Variants in UBA5 observed in about 807,000 individuals in gnomAD.
UBA5 encodes ubiquitin like modifier activating enzyme 5.
A neutral mutation model predicts 52.9 loss-of-function variants in UBA5; 28 were observed. That is an observed-to-expected ratio of 0.53 (90% CI 0.39 to 0.73). The LOEUF (loss-of-function observed/expected upper bound fraction) is 0.73. Among genes scored for constraint, UBA5 ranks in the 30% least tolerant of loss-of-function variants. UBA5 has a pLI of 0.00. For synonymous variants in UBA5, 135 were observed against 162.1 expected (o/e 0.83, Z 1.27); for missense variants, 388 against 492.7 (o/e 0.79, Z 2.01).
upstream of UBA5, among the ~76,000 whole-genome samples, chr3:132,658,345 G>A (rs1937930983): frequency 6.6e-6 from 1 of 152,084 alleles, no homozygotes; most frequent in Non-Finnish European, 1.5e-5. Context: ...ATTTCTGGAA[G>A]CAATTTTTAT....
At chr3:132,661,964 G>A (rs916628550) in intron 1 of UBA5, among the ~76,000 whole-genome samples, 1 of 152,152 alleles carries the variant, frequency 6.6e-6, no homozygotes, top group South Asian at 2.1e-4. Context: ...TCTCTAATCA[G>A]AATAAGTGGA....
At chr3:132,669,673 G>A (rs569026552) in intron 4 of UBA5, among the ~76,000 whole-genome samples, 3 of 152,278 alleles carry the variant, frequency 2.0e-5, no homozygotes, top group African/African-American at 4.8e-5. Context: ...CAGGTGGTGG[G>A]CCAGATTTGG....
Position 132,678,470 on chromosome 3 carries a change from T to C in UBA5, c.*1944T>C, listed in dbSNP as rs1938924132. Among the ~76,000 whole-genome samples the C allele has an allele frequency of 6.6e-6, 1 of 152,170 alleles. No individual in the cohort carries two copies. Among genetic ancestry groups the C allele is most frequent in the South Asian group, 2.1e-4 (1 of 4,832 alleles). On this transcript the variant is annotated 3_prime_UTR_variant, in exon 12 of 12. Coordinates refer to ENST00000356232, the MANE Select transcript of UBA5 (RefSeq NM_024818.6). ...ATTGGCTTAGCACAGAGACTCTAAA[T>C]GATAGTAAAACAACATATTCAACTT...
chr3:132,659,860 G>A, upstream of UBA5: 3 of 1,371,512 alleles, frequency 2.2e-6, no homozygotes, highest in South Asian at 1.6e-5. Context: ...GCCGGGGTGG[G>A]GTCTGGCTCC....
intron 5 of UBA5, among the ~76,000 whole-genome samples, 176 bp downstream of exon 5, chr3:132,670,460 A>G (rs191531407): frequency 1.3e-5 from 2 of 152,228 alleles, no homozygotes; most frequent in East Asian, 3.9e-4. Context: ...AAAGGTATAT[A>G]TTGTCCAAAA....
chr3:132,672,615 TG>T (rs1420623704), intron 8 of UBA5, among the ~76,000 whole-genome samples: 1 of 152,186 alleles, frequency 6.6e-6, no homozygotes, highest in Non-Finnish European at 1.5e-5. Flanking sequence ...AATAAACCAA[TG>T]TGACTAAACA....
chr3:132,666,016 T>G lies in UBA5; in HGVS notation c.240T>G (p.Gly80=). The change falls in exon 3 of 12, where the codon GGT becomes GGG. Residue 80 remains glycine (G), a synonymous_variant. Coordinates refer to ENST00000356232, the MANE Select transcript of UBA5 (RefSeq NM_024818.6). The part of the protein sequence containing the change: ...KIRTFAVAIV[G]VGGVGSVTAE... ...GTACCTTTGCCGTAGCAATAGTAGG[T>G]GTTGGTGGAGTAGGTAGTGTGACTG... The G allele has an allele frequency of 1.2e-6, 2 of 1,613,608 alleles. No homozygotes were observed. The highest frequency in any genetic ancestry group is 1.7e-6 in the Non-Finnish European group (2 of 1,179,608).
At chr3:132,659,424 A>C (rs554999521), upstream of UBA5, 65 of 762,566 alleles carry the variant, frequency 8.5e-5, no homozygotes, top group African/African-American at 1.1e-3. Flanking sequence ...TCCAATTGGG[A>C]AGCCCCCAGC....
Position 132,678,501 on chromosome 3 carries a change from C to G in UBA5, c.*1975C>G, listed in dbSNP as rs904221508. On this transcript the variant is annotated 3_prime_UTR_variant, in exon 12 of 12. Coordinates refer to ENST00000356232, the MANE Select transcript of UBA5 (RefSeq NM_024818.6). ...TAAAACAACATATTCAACTTTAATT[C>G]CTGTCTTATTGTTAATGGGAAGTTA... Among the ~76,000 whole-genome samples the G allele has an allele frequency of 2.0e-4, 31 of 152,056 alleles. No homozygotes were observed. The highest frequency in any genetic ancestry group is 7.5e-4 in the African/African-American group (31 of 41,366).
At chr3:132,675,093 A>T (rs891245824) in intron 8 of UBA5, among the ~76,000 whole-genome samples, 155 bp from the exon 9 acceptor site, 1 of 152,206 alleles carries the variant, frequency 6.6e-6, no homozygotes, top group African/African-American at 2.4e-5. Context: ...CACTGTAAAT[A>T]AGATAAAATT....
At chr3:132,666,297 T>C in intron 3 of UBA5, 1 of 515,314 alleles carries the variant, frequency 1.9e-6, no homozygotes, top group Non-Finnish European at 3.4e-6. Flanking sequence ...TTTGAAGTAA[T>C]ATGCAAACAA....
Position 132,670,945 on chromosome 3 carries a change from A to T in UBA5, c.495-20A>T, listed in dbSNP as rs778379222. 6.2e-7 allele frequency: 1 copy of T among 1,603,844 alleles called. No homozygotes were observed. Among genetic ancestry groups the T allele is most frequent in the Non-Finnish European group, 8.5e-7 (1 of 1,171,118 alleles). On this transcript the variant is annotated intron_variant, in intron 5 of 11. Transcript: ENST00000356232. ...GTATTTTGTGTCCTGATGTTTTTCAAACTTATTTTCTTTGACTAGTAATGG... is the reference window on the plus strand; with the variant it reads ...GTATTTTGTGTCCTGATGTTTTTCATACTTATTTTCTTTGACTAGTAATGG...
At chr3:132,656,151 A>C (rs1372206713), upstream of UBA5, among the ~76,000 whole-genome samples, 8 of 152,234 alleles carry the variant, frequency 5.3e-5, no homozygotes, top group Non-Finnish European at 1.2e-4. Flanking sequence ...TGTTATGTAC[A>C]GCTGTAGCTG....
At chr3:132,671,417 CA>C (rs199763601) in intron 6 of UBA5, among the ~76,000 whole-genome samples, 13 of 150,766 alleles carry the variant, frequency 8.6e-5, no homozygotes, top group Middle Eastern at 3.4e-3. Flanking sequence ...CCTGGTTTCT[CA>C]AAAAAAAATT....
intron 3 of UBA5, 63 bp from the exon 4 acceptor site, chr3:132,668,755 A>G (rs1938480518): frequency 9.6e-7 from 1 of 1,039,344 alleles, no homozygotes; most frequent in African/African-American, 1.6e-5. Context: ...TCTCTAATTT[A>G]TTTTTTGATA....
intron 5 of UBA5, 54 bp downstream of exon 5, chr3:132,670,338 A>C: frequency 1.3e-6 from 1 of 752,560 alleles, no homozygotes. Context: ...AGTATTAGAA[A>C]ATTATTAGAA....
chr3:132,658,582 T>C (rs1293364107), upstream of UBA5, among the ~76,000 whole-genome samples: 1 of 152,242 alleles, frequency 6.6e-6, no homozygotes, highest in East Asian at 1.9e-4. Context: ...TCTGTTTCAG[T>C]TTGTTACAAC....
Position 132,669,281 on chromosome 3 carries a change from T to A in UBA5, c.407+354T>A, listed in dbSNP as rs564258539. ...TAATTTTTTTAATTAAAAAATAAAATTTTTTTGAGACAGTCTCACTCTGTC... is the reference window on the plus strand; with the variant it reads ...TAATTTTTTTAATTAAAAAATAAAAATTTTTTGAGACAGTCTCACTCTGTC... On this transcript the variant is annotated intron_variant, in intron 4 of 11. Coordinates refer to ENST00000356232, the MANE Select transcript of UBA5 (RefSeq NM_024818.6). Among the ~76,000 whole-genome samples the A allele has an allele frequency of 2.6e-5, 4 of 152,196 alleles. No individual in the cohort carries two copies. In the East Asian group the frequency reaches 7.7e-4, roughly 29 times the overall value.
rs1938363592 is a variant in UBA5, at chr3:132,666,013, AGGTG to A, written c.238_241del (p.Gly80LeufsTer4). ...TCCGTACCTTTGCCGTAGCAATAGTAGGTGTTGGTGGAGTAGGTAGTGTGACTGC... is the reference window on the plus strand; with the variant it reads ...TCCGTACCTTTGCCGTAGCAATAGTATTGGTGGAGTAGGTAGTGTGACTGC... On this transcript the variant is annotated frameshift_variant, in exon 3 of 12. Transcript: ENST00000356232. LOFTEE classifies it high-confidence loss of function. The A allele has an allele frequency of 6.2e-7, 1 of 1,613,518 alleles. No homozygotes were observed.
Sources: allele counts gnomAD v4.1 joint callset (sites outside exome capture counted in the v4.1 genomes callset), GRCh38; gene constraint gnomAD v4.1.1; transcripts MANE v1.5; gene names NCBI Gene and HGNC (gene_info 2026-07-23, HGNC 2026-07-21).